FILIP1L: variants seen among roughly 807,000 people sequenced by gnomAD.
FILIP1L encodes the protein filamin A interacting protein 1 like.
In FILIP1L, 55 loss-of-function variants were observed where a neutral mutation model predicts 96.6. The observed-to-expected ratio is 0.57, with a 90% confidence interval of 0.46 to 0.71. The LOEUF (loss-of-function observed/expected upper bound fraction) is 0.71. FILIP1L is among the 30% of genes least tolerant of loss of function. The probability of loss-of-function intolerance (pLI) is 0.00; values close to 1 mark genes in which losing one functional copy is unlikely to be tolerated. For missense variants in FILIP1L, 1,304 were observed against 1,321.2 expected (o/e 0.99, Z 0.20); for synonymous variants, 467 against 473.9 (o/e 0.99, Z 0.19).
chr3:99,965,777 G>A lies in FILIP1L; in HGVS notation c.-10-34747C>T, dbSNP rs571739349. 7.9e-5 allele frequency among the ~76,000 whole-genome samples: 12 copies of A among 152,298 alleles called. No individual in the cohort carries two copies. In the East Asian group the frequency reaches 2.3e-3, roughly 29 times the overall value. On this transcript the variant is annotated intron_variant, in intron 1 of 5. Coordinates refer to ENST00000477258, the MANE Select transcript of FILIP1L (RefSeq NM_001387850.1). ...AAGGTTACCAGATGGAGGTCATTAG[G>A]GGGAGGGTGTTAAATGAAAATGCTT...
chr3:99,983,462 GTGTATATATATATATATATATATA>G lies in FILIP1L; in HGVS notation c.-10-52456_-10-52433del, dbSNP rs1352154309. The stretch of plus-strand genomic sequence containing the variant: ...TATATGTATGTATATATATATATGT[GTGTATATATATATATATATATATA>G]TATATATATATATATATATATATGT... On this transcript the variant is annotated intron_variant, in intron 1 of 5. Coordinates refer to ENST00000477258, the MANE Select transcript of FILIP1L (RefSeq NM_001387850.1). Among the ~76,000 whole-genome samples, 23 of 11,988 alleles carry G rather than the reference GTGTATATATATATATATATATATA, an allele frequency of 1.9e-3. No homozygotes were observed. The East Asian group carries it at 0.028, about 14-fold the overall frequency. The allele number at this position is 11,988 out of a possible 152,430, so 7.9% of individuals were successfully genotyped here. A position where few individuals can be genotyped will look rare whatever the true frequency, so the allele number is the denominator to read the frequency against.
intron 4 of FILIP1L, among the ~76,000 whole-genome samples, chr3:99,879,335 C>T (rs1162582267): frequency 6.6e-6 from 1 of 152,168 alleles, no homozygotes; most frequent in African/African-American, 2.4e-5. Flanking sequence ...TTCCCTGGTT[C>T]GAGCTAATTG....
At chr3:99,833,232 A>C in intron 5 of FILIP1L, 1 of 1,611,850 alleles carries the variant, frequency 6.2e-7, no homozygotes, top group Non-Finnish European at 8.5e-7. Context: ...AAGGATGTTG[A>C]GTTCAATGAG....
chr3:99,984,891 G>A, intron 1 of FILIP1L, among the ~76,000 whole-genome samples: 1 of 152,140 alleles, frequency 6.6e-6, no homozygotes, highest in East Asian at 1.9e-4. Flanking sequence ...ACAAACACAG[G>A]ATTAGGTTAA....
intron 1 of FILIP1L, among the ~76,000 whole-genome samples, chr3:99,980,085 A>G (rs187080105): frequency 1.1e-3 from 166 of 152,292 alleles, no homozygotes; most frequent in African/African-American, 3.8e-3. Flanking sequence ...GGTGTGCCTT[A>G]GAAATGATGA....
At chr3:99,984,048 A>ATGTGTGTGTGTGTGTGTG (rs367846393) in intron 1 of FILIP1L, among the ~76,000 whole-genome samples, 2,782 of 147,608 alleles carry the variant, frequency 0.019, 55 homozygotes, top group African/African-American at 0.047. Flanking sequence ...AAGGATGTAT[A>ATGTGTGTGTGTGTGTGTG]TGTATGTGTG....
At chr3:99,987,080 A>T (rs954152781) in intron 1 of FILIP1L, among the ~76,000 whole-genome samples, 1 of 151,876 alleles carries the variant, frequency 6.6e-6, no homozygotes, top group African/African-American at 2.4e-5. Flanking sequence ...AAATACAAAA[A>T]TTAGCCAACC....
intron 1 of FILIP1L, among the ~76,000 whole-genome samples, chr3:100,051,656 T>C (rs1213450858): frequency 6.6e-6 from 1 of 151,728 alleles, no homozygotes; most frequent in Admixed American, 6.6e-5. Context: ...GGTTTTCAGC[T>C]TCATCCATGT....
chr3:100,054,730 C>G (rs1300816171), intron 1 of FILIP1L, among the ~76,000 whole-genome samples: 2 of 152,090 alleles, frequency 1.3e-5, no homozygotes, highest in East Asian at 3.9e-4. Flanking sequence ...TTTAGCAGTT[C>G]CCACCAATAC....
At chr3:99,919,214 T>C (rs1707048265) in intron 4 of FILIP1L, among the ~76,000 whole-genome samples, 1 of 152,058 alleles carries the variant, frequency 6.6e-6, no homozygotes, top group Admixed American at 6.6e-5. Context: ...TGATTTCTCC[T>C]GAATGTTCTG....
At chr3:100,109,903 A>ACC (rs35074224) in intron 1 of FILIP1L, 23 of 72,358 alleles carry the variant, frequency 3.2e-4, no homozygotes, top group Admixed American at 4.8e-4. Flanking sequence ...TTCTTTTATG[A>ACC]CCCCCCCCCC....
At chr3:99,911,476 A>G (rs1706785274) in intron 4 of FILIP1L, among the ~76,000 whole-genome samples, 1 of 151,946 alleles carries the variant, frequency 6.6e-6, no homozygotes, top group Non-Finnish European at 1.5e-5. Flanking sequence ...TTTCTGCATG[A>G]CGAATGTCTC....
At chr3:100,051,059 A>G (rs2065363259) in intron 1 of FILIP1L, among the ~76,000 whole-genome samples, 1 of 150,932 alleles carries the variant, frequency 6.6e-6, no homozygotes, top group African/African-American at 2.5e-5. Context: ...TAAAAGTGAT[A>G]TTTTATTAGT....
At chr3:99,898,219 T>C (rs901566688) in intron 4 of FILIP1L, 2 of 152,228 alleles carry the variant, frequency 1.3e-5, no homozygotes, top group Admixed American at 1.3e-4. Context: ...GGAAAAAAAG[T>C]ATATCTTTAT....
rs1394766068 is a variant in FILIP1L, at chr3:99,849,453, T to G, written c.2223A>C (p.Gly741=). Residue 741 remains glycine, a synonymous_variant, in exon 5 of 6, where the codon GGA becomes GGC. Transcript: ENST00000477258. ...GTTTTTTTTGCAGGACTGAGTGATC[T>G]CCCTGGAGGTGACATATTAGGTCTT... The part of the protein sequence containing the change: ...ATEDLICHLQ[G]DHSVLQKKLN... The G allele has an allele frequency of 1.2e-6, 2 of 1,614,046 alleles. No homozygotes were observed. The highest frequency in any genetic ancestry group is 1.7e-4 in the Middle Eastern group (1 of 6,058).
chr3:99,900,024 T>C (rs928768959), intron 4 of FILIP1L, among the ~76,000 whole-genome samples: 2 of 152,228 alleles, frequency 1.3e-5, no homozygotes, highest in African/African-American at 2.4e-5. Context: ...GTCAGGACTT[T>C]AGGATGAAAT....
At chr3:99,843,599 A>G (rs1055899626) in intron 5 of FILIP1L, among the ~76,000 whole-genome samples, 2 of 152,208 alleles carry the variant, frequency 1.3e-5, no homozygotes, top group Admixed American at 1.3e-4. Flanking sequence ...AGTTGAAAAT[A>G]TGTTTAATAC....
At chr3:100,071,090 C>CTTT (rs61563009) in intron 1 of FILIP1L, among the ~76,000 whole-genome samples, 7,142 of 70,136 alleles carry the variant, frequency 0.1, 372 homozygotes, top group East Asian at 0.17. Flanking sequence ...GCTACTCTCT[C>CTTT]TTTTTTTTTT....
At chr3:100,062,937 G>A (rs765637792) in intron 1 of FILIP1L, among the ~76,000 whole-genome samples, 2 of 152,182 alleles carry the variant, frequency 1.3e-5, no homozygotes, top group Non-Finnish European at 2.9e-5. Flanking sequence ...ATCTCTCTGA[G>A]CCAGCAGACG....
Sources: allele counts gnomAD v4.1 joint callset (sites outside exome capture counted in the v4.1 genomes callset), GRCh38; gene constraint gnomAD v4.1.1; transcripts MANE v1.5; gene names NCBI Gene and HGNC (gene_info 2026-07-23, HGNC 2026-07-21).